Variants in DCAF6 observed in about 807,000 individuals in gnomAD.
DCAF6 encodes DDB1 and CUL4 associated factor 6.
Under a neutral mutation model 125.1 loss-of-function variants are expected in DCAF6, and 54 were observed. The observed-to-expected ratio is 0.43, with a 90% CI of 0.35 to 0.54. DCAF6 has a LOEUF of 0.54. DCAF6 is among the 20% of genes least tolerant of loss of function. The pLI, the probability that DCAF6 is intolerant of heterozygous loss-of-function variation, is 0.01. For synonymous variants in DCAF6, 371 were observed against 390.4 expected (o/e 0.95, Z 0.58); for missense variants, 934 against 1,161.7 (o/e 0.80, Z 2.85).
At chr1:167,966,766 T>TC (rs749586768) in intron 3 of DCAF6, 45 bp downstream of exon 3, 578 of 1,172,548 alleles carry the variant, frequency 4.9e-4, no homozygotes, top group Non-Finnish European at 6.9e-4. Context: ...AGAAAAAAAA[T>TC]CAAGAAGGCA....
At position 168,043,052 on chromosome 1, in the gene DCAF6, A is replaced by T. The variant is rs539402531; in HGVS notation, c.1755A>T (p.Gly585=). 6 of 1,612,562 alleles carry T rather than the reference A, an allele frequency of 3.7e-6. No individual in the cohort carries two copies. In the South Asian group the frequency reaches 4.4e-5, roughly 12 times the overall value. Residue 585 remains glycine, a synonymous_variant, in exon 14 of 22, where the codon GGA becomes GGT. Transcript: ENST00000367840. Reference sequence around the variant, plus strand: ...GCAGTATAGCATCAAGTTCTAGAGGAATTGGGAGCCATTGCAAATCTGAGG... The same window carrying T: ...GCAGTATAGCATCAAGTTCTAGAGGTATTGGGAGCCATTGCAAATCTGAGG... ...EWSSIASSSR[G]IGSHCKSEGQ...
At chr1:167,895,683 G>A in the DCAF6 span, among the ~76,000 whole-genome samples, 6 of 152,316 alleles carry the variant, frequency 3.9e-5, no homozygotes, top group South Asian at 2.1e-4. Flanking sequence ...AGACTGAAGC[G>A]AATTCTGGCT....
At chr1:167,865,798 T>C in the DCAF6 span, among the ~76,000 whole-genome samples, 1 of 152,240 alleles carries the variant, frequency 6.6e-6, no homozygotes, top group Non-Finnish European at 1.5e-5. Flanking sequence ...GTTATGCTTG[T>C]GCACATGGCA....
intron 12 of DCAF6, chr1:168,023,320 A>G (rs1355768817): frequency 4.0e-6 from 2 of 504,374 alleles, no homozygotes; most frequent in South Asian, 3.2e-5. Context: ...TACAAACTAT[A>G]TCCATTTTTT....
At position 168,003,893 on chromosome 1, in the gene DCAF6, T is replaced by C. The variant is rs1682978429; in HGVS notation, c.1021T>C (p.Leu341=). The change falls in exon 9 of 22, where the codon TTG becomes CTG. Residue 341 remains leucine (L), a synonymous_variant. Coordinates refer to ENST00000367840, the MANE Select transcript of DCAF6 (RefSeq NM_001198956.2). The stretch of plus-strand genomic sequence containing the variant: ...AGGAGAGCAGAGTCCCAATGTGTCA[T>C]TGATGCAGAGAATGTCTGATATGTT... The part of the protein sequence containing the change: ...RDGEQSPNVS[L]MQRMSDMLSR... 4.3e-6 allele frequency: 7 copies of C among 1,610,900 alleles called. No individual in the cohort carries two copies. The highest frequency in any genetic ancestry group is 4.2e-6 in the Non-Finnish European group (5 of 1,178,976).
At chr1:167,986,600 C>T (rs1302110943) in intron 4 of DCAF6, among the ~76,000 whole-genome samples, 1 of 152,192 alleles carries the variant, frequency 6.6e-6, no homozygotes. Flanking sequence ...CCTCAGATCA[C>T]CAGGCATTAG....
chr1:168,002,547 A>G lies in DCAF6; in HGVS notation c.969A>G (p.Ala323=), dbSNP rs746977411. The G allele has an allele frequency of 5.6e-6, 9 of 1,613,026 alleles. No individual in the cohort carries two copies. Residue 323 remains alanine, a synonymous_variant, in exon 8 of 22, where the codon GCA becomes GCG. Coordinates refer to ENST00000367840, the MANE Select transcript of DCAF6 (RefSeq NM_001198956.2). ...RGDWSDTGPR[A]RPESERERDG... is the part of the protein sequence containing the mutation. ...ATTGGTCAGATACTGGACCCAGAGC[A>G]AGGCCGGAGAGTGAACGAGAACGAG...
At chr1:168,041,845 A>G (rs1019025280) in intron 13 of DCAF6, among the ~76,000 whole-genome samples, 1 of 150,904 alleles carries the variant, frequency 6.6e-6, no homozygotes, top group African/African-American at 2.4e-5. Context: ...TTTTTTGCCA[A>G]AATAGCTATA....
chr1:167,924,318 C>T, the DCAF6 span: 1 of 462,154 alleles, frequency 2.2e-6, no homozygotes, highest in Non-Finnish European at 3.8e-6. Context: ...TTCAGAAAAA[C>T]TAAAGTAGAT....
At position 167,940,845 on chromosome 1, in the gene DCAF6, A is replaced by G. The variant is rs181764945; in HGVS notation, c.97+3837A>G. Among the ~76,000 whole-genome samples, 19 of 152,322 alleles carry G rather than the reference A, an allele frequency of 1.2e-4. No homozygotes were observed. The East Asian group carries it at 2.5e-3, about 20-fold the overall frequency. Reference sequence around the variant, plus strand: ...AAGGTACTTCTCAAGGGAGTTATTTATTATAATGTATAAAATGTGTAAATT... The same window carrying G: ...AAGGTACTTCTCAAGGGAGTTATTTGTTATAATGTATAAAATGTGTAAATT... On this transcript the variant is annotated intron_variant, in intron 1 of 21. Transcript: ENST00000367840.
chr1:167,938,305 G>A (rs918859778), intron 1 of DCAF6, among the ~76,000 whole-genome samples: 1 of 152,034 alleles, frequency 6.6e-6, no homozygotes, highest in Non-Finnish European at 1.5e-5. Context: ...CTGAGTGCAT[G>A]GTGTCATATT....
the DCAF6 span, chr1:167,919,839 A>T: frequency 1.1e-5 from 6 of 535,666 alleles, no homozygotes; most frequent in South Asian, 1.8e-4. Context: ...TTGTCTTAGC[A>T]TTATATATGA....
At chr1:167,925,560 T>C in the DCAF6 span, among the ~76,000 whole-genome samples, 1 of 147,892 alleles carries the variant, frequency 6.8e-6, no homozygotes, top group Non-Finnish European at 1.5e-5. Context: ...TTTTTGTTTT[T>C]TTTTGAGACA....
intron 8 of DCAF6, 150 bp from the exon 9 acceptor site, chr1:168,003,720 A>T: frequency 1.6e-6 from 1 of 614,542 alleles, no homozygotes; most frequent in Non-Finnish European, 2.6e-6. Context: ...GAGAGCTCTA[A>T]TAGATTTATA....
the DCAF6 span, chr1:167,920,491 A>G: frequency 1.3e-6 from 2 of 1,569,866 alleles, no homozygotes; most frequent in Non-Finnish European, 8.7e-7. Context: ...GATATAAAAG[A>G]AAACAAAAAT....
intron 7 of DCAF6, among the ~76,000 whole-genome samples, chr1:167,999,278 C>G (rs1322380232): frequency 2.0e-5 from 3 of 152,064 alleles, no homozygotes; most frequent in African/African-American, 7.2e-5. Context: ...CTCATCCAGG[C>G]TTTGTTATTC....
the DCAF6 span, among the ~76,000 whole-genome samples, chr1:167,929,903 A>G: frequency 6.6e-6 from 1 of 151,886 alleles, no homozygotes; most frequent in African/African-American, 2.4e-5. Flanking sequence ...CTTTCATGCC[A>G]CTCCTTTATG....
At chr1:168,015,737 A>G (rs893310344) in intron 10 of DCAF6, 44 bp from the exon 11 acceptor site, 2 of 1,379,276 alleles carry the variant, frequency 1.5e-6, no homozygotes, top group Non-Finnish European at 1.9e-6. Context: ...ATTATTTTCT[A>G]TTTTATTACT....
upstream of DCAF6, chr1:167,935,759 A>C: frequency 6.4e-7 from 1 of 1,565,094 alleles, no homozygotes; most frequent in Non-Finnish European, 8.7e-7. Context: ...CAACGGCCTC[A>C]ATTTCTCGGG....
Sources: gnomAD v4.1 joint callset for allele counts (sites outside exome capture counted in the v4.1 genomes callset) on GRCh38, gnomAD v4.1.1 for gene constraint, MANE v1.5 for transcripts, NCBI Gene and HGNC (gene_info 2026-07-23, HGNC 2026-07-21) for gene names.